Variants in CARS2 observed in about 807,000 individuals in gnomAD.
CARS2 encodes cysteinyl-tRNA synthetase 2, mitochondrial, also known as probable cysteine--tRNA ligase, mitochondrial.
In CARS2, 52 loss-of-function variants were observed where a neutral mutation model predicts 68.8. That is an observed-to-expected ratio of 0.76 (90% CI 0.61 to 0.95). CARS2 has a LOEUF of 0.95. Among genes scored for constraint, CARS2 ranks in the 40% least tolerant of loss-of-function variants. The pLI is 0.00. For synonymous variants in CARS2, 314 were observed against 303.6 expected (o/e 1.03, Z -0.36); for missense variants, 780 against 754.2 (o/e 1.03, Z -0.40).
At chr13:110,666,024 G>C (rs1422060237) in intron 8 of CARS2, 1 of 985,134 alleles carries the variant, frequency 1.0e-6, no homozygotes, top group Non-Finnish European at 1.2e-6. Flanking sequence ...GAGACACAGT[G>C]TCTCAGCCCC....
chr13:110,679,575 GAA>G (rs2063082043), intron 6 of CARS2, among the ~76,000 whole-genome samples: 5 of 65,142 alleles, frequency 7.7e-5, no homozygotes, highest in Admixed American at 2.2e-4. Flanking sequence ...GAAAGAGAGA[GAA>G]AGAAAGAAAG....
At chr13:110,691,074 G>T (rs1341470121) in intron 3 of CARS2, among the ~76,000 whole-genome samples, 1 of 152,150 alleles carries the variant, frequency 6.6e-6, no homozygotes, top group African/African-American at 2.4e-5. Flanking sequence ...GGAGTGCAAT[G>T]GCACAATCTC....
rs1232251739 is a variant in CARS2 at position 110,642,520 on chromosome 13, T to C, written c.1418A>G (p.Tyr473Cys). 1.9e-6 allele frequency: 3 copies of C among 1,608,878 alleles called. No individual in the cohort carries two copies. Among genetic ancestry groups the C allele is most frequent in the South Asian group, 2.2e-5 (2 of 90,092 alleles). ...TVGISLANQQ[Y>C]VSGDGSEATL... ...AGCCTCGCTGCCGTCTCCTGAAACG[T>C]ACTGAAGCCAGCAGGGCGCGGTTAC... is the stretch of plus-strand genomic sequence containing the variant. Residue 473 changes from tyrosine to cysteine, a missense_variant and splice_region_variant, in exon 14 of 15, where the codon TAC (tyrosine) becomes TGC (cysteine). Physicochemically the swap from Tyr to Cys is radical, Grantham distance 194. Transcript: ENST00000257347.
chr13:110,687,589 G>A, intron 5 of CARS2, 132 bp downstream of exon 5: 1 of 602,608 alleles, frequency 1.7e-6, no homozygotes, highest in African/African-American at 1.9e-5. Flanking sequence ...TGAGACGGGA[G>A]AATCGCTTGA....
At chr13:110,698,126 C>T (rs904685807) in intron 3 of CARS2, among the ~76,000 whole-genome samples, 1 of 151,992 alleles carries the variant, frequency 6.6e-6, no homozygotes, top group Non-Finnish European at 1.5e-5. Flanking sequence ...ATGGGTGTGA[C>T]GGGAGGTTAA....
chr13:110,654,749 C>T (rs1398629108), intron 9 of CARS2, among the ~76,000 whole-genome samples: 1 of 151,410 alleles, frequency 6.6e-6, no homozygotes, highest in Non-Finnish European at 1.5e-5. Context: ...GAGACTTCGT[C>T]TCTAGAAAAA....
intron 3 of CARS2, among the ~76,000 whole-genome samples, chr13:110,696,352 T>C (rs1367825527): frequency 6.6e-6 from 1 of 152,242 alleles, no homozygotes; most frequent in Non-Finnish European, 1.5e-5. Flanking sequence ...CAACACTGTC[T>C]TCCACAATGG....
intron 3 of CARS2, among the ~76,000 whole-genome samples, chr13:110,698,335 C>T (rs1026807934): frequency 1.3e-5 from 2 of 151,872 alleles, no homozygotes; most frequent in South Asian, 2.1e-4. Context: ...GCCTGGCCAA[C>T]GTGGTGAAAC....
At chr13:110,650,567 G>A (rs115693768) in intron 10 of CARS2, 2,276 of 154,640 alleles carry the variant, frequency 0.015, 52 homozygotes, top group African/African-American at 0.051. Flanking sequence ...CTAGCCCGGG[G>A]CAGCAGGTAA....
At chr13:110,671,072 C>A (rs1275510086) in intron 7 of CARS2, among the ~76,000 whole-genome samples, 1 of 151,794 alleles carries the variant, frequency 6.6e-6, no homozygotes, top group East Asian at 1.9e-4. Flanking sequence ...TGTGAAAAGA[C>A]CAAATCTGCG....
chr13:110,663,192 C>T (rs2062555698), intron 9 of CARS2: 6 of 579,846 alleles, frequency 1.0e-5, no homozygotes, highest in South Asian at 9.0e-5. Context: ...AAGAGGGCGC[C>T]GGCCTTGAAA....
chr13:110,675,965 G>T (rs1278620569), intron 7 of CARS2, among the ~76,000 whole-genome samples: 1 of 152,212 alleles, frequency 6.6e-6, no homozygotes, highest in East Asian at 1.9e-4. Context: ...AGACCAGCCT[G>T]ACCAGCAGGG....
chr13:110,655,298 G>A (rs77009603), intron 9 of CARS2, among the ~76,000 whole-genome samples: 5,008 of 152,298 alleles, frequency 0.033, 194 homozygotes, highest in Admixed American at 0.11. Flanking sequence ...CCACTAAGAG[G>A]CTGCTAAAAA....
At chr13:110,673,887 T>G (rs1324483055) in intron 7 of CARS2, among the ~76,000 whole-genome samples, 3 of 152,148 alleles carry the variant, frequency 2.0e-5, no homozygotes, top group African/African-American at 7.2e-5. Flanking sequence ...AAAATCAATG[T>G]GCAAAAATCA....
At chr13:110,709,378 G>A (rs557621127), upstream of CARS2, among the ~76,000 whole-genome samples, 82 of 152,126 alleles carry the variant, frequency 5.4e-4, no homozygotes, top group Non-Finnish European at 8.8e-4. Flanking sequence ...ACAGGCATGA[G>A]CCACCGTGCC....
chr13:110,702,343 C>T (rs1417279780), intron 2 of CARS2, among the ~76,000 whole-genome samples: 6 of 152,188 alleles, frequency 3.9e-5, no homozygotes, highest in Non-Finnish European at 8.8e-5. Context: ...AAACTATCTC[C>T]AAAACTCAAC....
chr13:110,676,898 T>C lies in CARS2; in HGVS notation c.785+76A>G. 3 of 1,444,994 alleles carry C rather than the reference T, an allele frequency of 2.1e-6. No individual in the cohort carries two copies. The highest frequency in any genetic ancestry group is 2.7e-6 in the Non-Finnish European group (3 of 1,095,412). 89.5% of individuals were successfully genotyped at this position (1,444,994 alleles called of 1,614,324 possible). A position where few individuals can be genotyped will look rare whatever the true frequency, so the allele number is the denominator to read the frequency against. ...ACGTGCCAGGCTGCACCTGCTCCCA[T>C]GCACATCCTCTGCTGCCCTGAGCAG... On this transcript the variant is annotated intron_variant, in intron 7 of 14. Coordinates refer to ENST00000257347, the MANE Select transcript of CARS2 (RefSeq NM_024537.4). The surrounding 1 kb of genome is among the most constrained non-coding windows in gnomAD (Gnocchi z 4.0).
Position 110,667,480 on chromosome 13 carries a change from G to A in CARS2, c.786-7C>T. ...TTGACTTCCAAATACCATACTGCAA[G>A]ACACAGTGCAAAGTAGTGAATTCAT... On this transcript the variant is annotated splice_polypyrimidine_tract_variant and splice_region_variant and intron_variant, in intron 7 of 14. Coordinates refer to ENST00000257347, the MANE Select transcript of CARS2 (RefSeq NM_024537.4). 1.9e-6 allele frequency: 3 copies of A among 1,612,896 alleles called. No homozygotes were observed. The highest frequency in any genetic ancestry group is 2.7e-5 in the African/African-American group (2 of 75,036).
At chr13:110,706,250 T>C (rs2063956832), upstream of CARS2, 4 of 451,724 alleles carry the variant, frequency 8.9e-6, no homozygotes, top group Non-Finnish European at 1.0e-5. Flanking sequence ...CCCTTTGGCC[T>C]GGCTCGAGTC....
Sources: gnomAD v4.1 joint callset for allele counts (sites outside exome capture counted in the v4.1 genomes callset) on GRCh38, gnomAD v4.1.1 for gene constraint, Gnocchi (gnomAD v3.1) non-coding constraint, MANE v1.5 for transcripts, NCBI Gene and HGNC (gene_info 2026-07-23, HGNC 2026-07-21) for gene names.